Variants in DPYD observed in about 807,000 individuals in gnomAD.
The protein encoded by DPYD is dihydropyrimidine dehydrogenase [NADP(+)].
A neutral mutation model predicts 116.2 loss-of-function variants in DPYD; 109 were observed. The observed-to-expected ratio is 0.94, with a 90% CI of 0.80 to 1.10. DPYD has a LOEUF of 1.10. Among genes scored for constraint, DPYD ranks in the 50% least tolerant of loss-of-function variants. The probability of loss-of-function intolerance (pLI) is 0.00; values close to 1 mark genes in which losing one functional copy is unlikely to be tolerated. For missense variants in DPYD, 1,302 were observed against 1,254.5 expected (o/e 1.04, Z -0.57); for synonymous variants, 440 against 432.0 (o/e 1.02, Z -0.23).
At chr1:97,630,412 C>A (rs1426616989) in intron 8 of DPYD, among the ~76,000 whole-genome samples, 1 of 151,994 alleles carries the variant, frequency 6.6e-6, no homozygotes, top group South Asian at 2.1e-4. Flanking sequence ...CATGCCTTCT[C>A]TCTAATGCTG....
chr1:97,674,643 T>C (rs1011476713), intron 8 of DPYD, among the ~76,000 whole-genome samples: 1 of 151,298 alleles, frequency 6.6e-6, no homozygotes, highest in African/African-American at 2.4e-5. Flanking sequence ...TAGAATAAAA[T>C]TACCCACAGA....
chr1:97,574,269 T>C (rs959422787), intron 10 of DPYD, among the ~76,000 whole-genome samples: 5 of 152,094 alleles, frequency 3.3e-5, no homozygotes, highest in Non-Finnish European at 7.4e-5. Context: ...CTGACCATAG[T>C]AGCCTATTAT....
At chr1:97,631,551 G>C (rs937561964) in intron 8 of DPYD, among the ~76,000 whole-genome samples, 12 of 151,938 alleles carry the variant, frequency 7.9e-5, no homozygotes, top group Admixed American at 2.0e-4. Flanking sequence ...GAGAGCAAAT[G>C]TATAAAGCAA....
chr1:97,286,711 T>G (rs552860748), intron 18 of DPYD, among the ~76,000 whole-genome samples: 1 of 152,370 alleles, frequency 6.6e-6, no homozygotes, highest in Admixed American at 6.5e-5. Context: ...GTTGATCGCA[T>G]CGGCTCCTGA....
At chr1:97,579,202 A>AC (rs1475271407) in intron 10 of DPYD, among the ~76,000 whole-genome samples, 3 of 152,244 alleles carry the variant, frequency 2.0e-5, no homozygotes, top group African/African-American at 7.2e-5. Context: ...ACATGGAAGG[A>AC]CAGGGCATCA....
At chr1:97,806,235 G>T (rs1188343853) in intron 3 of DPYD, among the ~76,000 whole-genome samples, 2 of 151,798 alleles carry the variant, frequency 1.3e-5, no homozygotes, top group African/African-American at 4.8e-5. Flanking sequence ...TTATTTTCTT[G>T]CCATAATGGA....
chr1:97,809,617 C>G (rs1346925648), intron 3 of DPYD, among the ~76,000 whole-genome samples: 1 of 152,200 alleles, frequency 6.6e-6, no homozygotes, highest in African/African-American at 2.4e-5. Flanking sequence ...AAGCTAACTT[C>G]TGTTGAACTA....
chr1:97,364,804 C>T (rs1265411385), intron 16 of DPYD, among the ~76,000 whole-genome samples: 1 of 152,106 alleles, frequency 6.6e-6, no homozygotes, highest in African/African-American at 2.4e-5. Context: ...TCAGCCAATA[C>T]TCCTAAGTTG....
intron 16 of DPYD, among the ~76,000 whole-genome samples, chr1:97,357,161 T>C (rs188927980): frequency 4.9e-4 from 74 of 152,314 alleles, no homozygotes; most frequent in African/African-American, 1.6e-3. Flanking sequence ...ACACAAGATA[T>C]ATTTGTTTTT....
Position 97,379,679 on chromosome 1 carries a change from C to T in DPYD, c.1974+2714G>A, listed in dbSNP as rs552074372. ...AATTCTGGGTTTAGAAGAAGCATCACACCCCATGCTAGCAAATCTAGCTTC... is the reference window on the plus strand; with the variant it reads ...AATTCTGGGTTTAGAAGAAGCATCATACCCCATGCTAGCAAATCTAGCTTC... On this transcript the variant is annotated intron_variant, in intron 15 of 22. Transcript: ENST00000370192. Among the ~76,000 whole-genome samples the T allele has an allele frequency of 2.0e-5, 3 of 152,310 alleles. No individual in the cohort carries two copies. In the South Asian group the frequency reaches 6.2e-4, roughly 32 times the overall value.
chr1:97,713,966 A>G (rs1298408919), intron 5 of DPYD, among the ~76,000 whole-genome samples: 5 of 152,228 alleles, frequency 3.3e-5, no homozygotes, highest in East Asian at 1.9e-4. Context: ...TGACCTGCAA[A>G]AAGTTATTAG....
chr1:97,682,232 C>T (rs1273091756), intron 7 of DPYD, among the ~76,000 whole-genome samples: 1 of 151,848 alleles, frequency 6.6e-6, no homozygotes, highest in Non-Finnish European at 1.5e-5. Context: ...TGGAAAGCTG[C>T]AAAGATGAGT....
intron 3 of DPYD, among the ~76,000 whole-genome samples, chr1:97,774,017 T>C (rs1213959804): frequency 6.6e-6 from 1 of 152,144 alleles, no homozygotes; most frequent in African/African-American, 2.4e-5. Context: ...GTAACACACG[T>C]TCACTGGAGC....
chr1:97,245,660 C>T (rs558759839), intron 18 of DPYD, among the ~76,000 whole-genome samples: 1 of 152,198 alleles, frequency 6.6e-6, no homozygotes, highest in African/African-American at 2.4e-5. Context: ...ACCGGAGTTT[C>T]ATTTTACTCT....
intron 18 of DPYD, among the ~76,000 whole-genome samples, chr1:97,273,875 G>T (rs1244591356): frequency 6.6e-6 from 1 of 151,936 alleles, no homozygotes; most frequent in African/African-American, 2.4e-5. Context: ...AATATTCCAG[G>T]GATAAGGCAA....
chr1:97,584,547 T>A (rs1441930174), intron 10 of DPYD, among the ~76,000 whole-genome samples: 1 of 152,124 alleles, frequency 6.6e-6, no homozygotes, highest in Non-Finnish European at 1.5e-5. Context: ...GTTTTAGGTC[T>A]AACATGTAAG....
intron 4 of DPYD, among the ~76,000 whole-genome samples, chr1:97,728,110 G>T (rs918165693): frequency 2.6e-5 from 4 of 151,826 alleles, no homozygotes; most frequent in African/African-American, 7.3e-5. Context: ...ATTTTTTTGT[G>T]CATAGAGATA....
chr1:97,739,040 C>T (rs543703578), intron 4 of DPYD, among the ~76,000 whole-genome samples: 2 of 152,128 alleles, frequency 1.3e-5, no homozygotes, highest in African/African-American at 4.8e-5. Flanking sequence ...TCATAATTCT[C>T]ATATTTCCTC....
At chr1:97,854,863 T>C (rs1156596172) in intron 2 of DPYD, among the ~76,000 whole-genome samples, 1 of 152,146 alleles carries the variant, frequency 6.6e-6, no homozygotes, top group Non-Finnish European at 1.5e-5. Context: ...GAAAAGTTTA[T>C]TAAGAGAAGG....
Sources: gnomAD v4.1 joint callset for allele counts (sites outside exome capture counted in the v4.1 genomes callset) on GRCh38, gnomAD v4.1.1 for gene constraint, MANE v1.5 for transcripts, NCBI Gene and HGNC (gene_info 2026-07-23, HGNC 2026-07-21) for gene names.